CPAP: variants seen among roughly 807,000 people sequenced by gnomAD.
The protein encoded by CPAP is centrosomal P4.1-associated protein.
chr13:24,913,756 G>A, the CPAP span, among the ~76,000 whole-genome samples: 90 of 152,346 alleles, frequency 5.9e-4, no homozygotes, highest in Middle Eastern at 0.01. Flanking sequence ...ACCATGTCTG[G>A]CAGGTAGGAG....
At chr13:24,920,866 A>G in the CPAP span, among the ~76,000 whole-genome samples, 2 of 151,046 alleles carry the variant, frequency 1.3e-5, no homozygotes, top group Non-Finnish European at 2.9e-5. Flanking sequence ...ACCTCAAGTG[A>G]TCCACCTGGC....
chr13:24,898,229 A>C, the CPAP span, among the ~76,000 whole-genome samples: 1 of 152,172 alleles, frequency 6.6e-6, no homozygotes, highest in African/African-American at 2.4e-5. Context: ...TCTTTCTCAG[A>C]GAAACATACT....
At chr13:24,919,672 G>T in the CPAP span, among the ~76,000 whole-genome samples, 1 of 152,178 alleles carries the variant, frequency 6.6e-6, no homozygotes, top group African/African-American at 2.4e-5. Flanking sequence ...CTCCCACCTT[G>T]GCTTCCCAAA....
the CPAP span, chr13:24,906,969 A>G: frequency 6.2e-7 from 1 of 1,611,224 alleles, no homozygotes; most frequent in Non-Finnish European, 8.5e-7. Context: ...TCCTAAAATA[A>G]AAGAATAATA....
the CPAP span, among the ~76,000 whole-genome samples, chr13:24,899,783 C>T: frequency 3.9e-5 from 6 of 152,164 alleles, no homozygotes; most frequent in South Asian, 4.2e-4. Flanking sequence ...AGGCATTCGA[C>T]GAAGTAGTGG....
At chr13:24,900,595 T>C in the CPAP span, among the ~76,000 whole-genome samples, 14 of 151,928 alleles carry the variant, frequency 9.2e-5, no homozygotes, top group Non-Finnish European at 2.1e-4. Context: ...TGAGCCGAGA[T>C]CGCACCATTG....
chr13:24,889,024 T>G, the CPAP span: 1 of 404,890 alleles, frequency 2.5e-6, no homozygotes, highest in South Asian at 2.6e-5. Context: ...GAATGTTTCC[T>G]TTGAGCATCA....
chr13:24,887,596 G>A, the CPAP span, among the ~76,000 whole-genome samples: 3 of 152,154 alleles, frequency 2.0e-5, no homozygotes, highest in Admixed American at 2.0e-4. Flanking sequence ...CTAATTGCAG[G>A]AAAACAAGCT....
At chr13:24,921,556 T>C in the CPAP span, among the ~76,000 whole-genome samples, 49,994 of 152,042 alleles carry the variant, frequency 0.33, 8,297 homozygotes, top group Admixed American at 0.4. Context: ...CTGTTATTCC[T>C]GAATAATTTG....
At chr13:24,915,529 C>A in the CPAP span, among the ~76,000 whole-genome samples, 8 of 152,074 alleles carry the variant, frequency 5.3e-5, no homozygotes, top group Non-Finnish European at 1.0e-4. Context: ...GGCGGCTGGG[C>A]GCAGTGGCTC....
At chr13:24,891,929 C>T in the CPAP span, among the ~76,000 whole-genome samples, 122 of 152,316 alleles carry the variant, frequency 8.0e-4, 1 homozygote, top group African/African-American at 2.6e-3. Flanking sequence ...CAGGCTCAGG[C>T]GGCCACCCAG....
the CPAP span, chr13:24,899,486 T>G: frequency 3.1e-6 from 5 of 1,613,870 alleles, no homozygotes; most frequent in South Asian, 5.5e-5. Flanking sequence ...TTCAAAAACT[T>G]TACGTTCCTT....
chr13:24,899,432 C>T, the CPAP span: 61 of 1,612,476 alleles, frequency 3.8e-5, no homozygotes, highest in African/African-American at 5.3e-5. Flanking sequence ...TATTTCTTCA[C>T]GTTCCTTTTT....
chr13:24,932,932 A>T, the CPAP span: 11 of 983,220 alleles, frequency 1.1e-5, no homozygotes, highest in Admixed American at 1.6e-4. Flanking sequence ...TCCAGTTTGT[A>T]TGTATAACAA....
the CPAP span, chr13:24,933,462 A>G: frequency 4.7e-6 from 1 of 213,982 alleles, no homozygotes; most frequent in African/African-American, 2.2e-5. Context: ...CATAGTGCAC[A>G]GGATTTGCAA....
the CPAP span, among the ~76,000 whole-genome samples, chr13:24,918,864 G>C: frequency 6.6e-6 from 1 of 152,066 alleles, no homozygotes; most frequent in African/African-American, 2.4e-5. Flanking sequence ...GAAAATCCAA[G>C]CATAAGCGAA....
chr13:24,905,740 A>T, the CPAP span: 349 of 1,614,170 alleles, frequency 2.2e-4, 2 homozygotes, highest in African/African-American at 3.6e-3. Context: ...TGATAGACTC[A>T]TCGCTACTGT....
chr13:24,895,081 C>A, the CPAP span, among the ~76,000 whole-genome samples: 4 of 152,228 alleles, frequency 2.6e-5, no homozygotes, highest in African/African-American at 2.4e-5. Flanking sequence ...GCTGCCAGGT[C>A]CCGGTGAGCA....
the CPAP span, among the ~76,000 whole-genome samples, chr13:24,893,722 T>C: frequency 2.0e-5 from 3 of 152,264 alleles, no homozygotes; most frequent in African/African-American, 7.2e-5. Flanking sequence ...AAGAAAAATT[T>C]CTGGTAAGCA....
Sources: gnomAD v4.1 joint callset for allele counts (sites outside exome capture counted in the v4.1 genomes callset) on GRCh38, gnomAD v4.1.1 for gene constraint, MANE v1.5 for transcripts, NCBI Gene and HGNC (gene_info 2026-07-23, HGNC 2026-07-21) for gene names.